The following GRIK4 variants were observed in gnomAD, a reference collection of about 807,000 sequenced individuals.
The protein encoded by GRIK4 is glutamate ionotropic receptor kainate type subunit 4, also known as glutamate receptor ionotropic, kainate 4.
A neutral mutation model predicts 104.9 loss-of-function variants in GRIK4; 40 were observed. That is an observed-to-expected ratio of 0.38 (90% confidence interval 0.30 to 0.50). The LOEUF (loss-of-function observed/expected upper bound fraction) is 0.50, where lower values mean the gene tolerates loss of function less well. Ranked by LOEUF, GRIK4 falls within the 20% of genes least tolerant of loss-of-function variation. The pLI is 0.93. For missense variants in GRIK4, 1,047 were observed against 1,308.1 expected, an observed-to-expected ratio of 0.80 and a Z score of 3.08; for synonymous variants, 485 against 524.9, an observed-to-expected ratio of 0.92 and a Z score of 1.04.
At chr11:120,920,085 T>C (rs1196956269) in intron 13 of GRIK4, among the ~76,000 whole-genome samples, 3 of 152,036 alleles carry the variant, frequency 2.0e-5, no homozygotes, top group Admixed American at 6.5e-5. Context: ...CTGCCTTCCA[T>C]CCCGACTGGA....
At chr11:120,535,967 A>G (rs1382171838) in intron 1 of GRIK4, among the ~76,000 whole-genome samples, 3 of 152,180 alleles carry the variant, frequency 2.0e-5, no homozygotes, top group African/African-American at 7.2e-5. Context: ...ATCTCGCTGC[A>G]TGTATCTCAT....
At chr11:120,900,442 G>A (rs1249309001) in intron 12 of GRIK4, among the ~76,000 whole-genome samples, 2 of 152,172 alleles carry the variant, frequency 1.3e-5, no homozygotes, top group Admixed American at 6.5e-5. Flanking sequence ...GGGCACTGTT[G>A]TAGGTGCTCA....
At chr11:120,543,903 A>G (rs1591684682) in intron 1 of GRIK4, among the ~76,000 whole-genome samples, 1 of 152,246 alleles carries the variant, frequency 6.6e-6, no homozygotes, top group Non-Finnish European at 1.5e-5. Context: ...CAAATATTGT[A>G]TGATCTCACT....
chr11:120,715,342 TCA>T (rs1950809693), intron 3 of GRIK4, among the ~76,000 whole-genome samples: 1 of 152,170 alleles, frequency 6.6e-6, no homozygotes, highest in Non-Finnish European at 1.5e-5. Flanking sequence ...CCTTTTGGAA[TCA>T]CAGACCTGTT....
At chr11:120,617,904 G>T (rs187325096) in intron 1 of GRIK4, among the ~76,000 whole-genome samples, 13 of 152,256 alleles carry the variant, frequency 8.5e-5, no homozygotes, top group Non-Finnish European at 4.4e-5. Context: ...ACGTGAGAAT[G>T]GAATAATAAT....
chr11:120,791,931 A>G (rs543959585), intron 3 of GRIK4, among the ~76,000 whole-genome samples: 1 of 152,200 alleles, frequency 6.6e-6, no homozygotes, highest in Non-Finnish European at 1.5e-5. Flanking sequence ...GTTGGCATAG[A>G]ATCCCTCAAA....
At chr11:120,512,265 C>T (rs978162550) in intron 1 of GRIK4, among the ~76,000 whole-genome samples, 37 of 151,784 alleles carry the variant, frequency 2.4e-4, no homozygotes, top group Non-Finnish European at 2.9e-5. Flanking sequence ...CCCAGCCCTG[C>T]CTCTGTCCCC....
At chr11:120,733,600 A>G (rs1049361659) in intron 3 of GRIK4, among the ~76,000 whole-genome samples, 2 of 152,142 alleles carry the variant, frequency 1.3e-5, no homozygotes, top group African/African-American at 4.8e-5. Flanking sequence ...GCAAGAAGAA[A>G]ACTAACAAAA....
intron 8 of GRIK4, among the ~76,000 whole-genome samples, chr11:120,841,704 T>C (rs1232289256): frequency 6.6e-6 from 1 of 152,230 alleles, no homozygotes; most frequent in African/African-American, 2.4e-5. Context: ...TTTTCCAGAA[T>C]GACCACACCA....
At chr11:120,530,642 T>C (rs1947913167) in intron 1 of GRIK4, among the ~76,000 whole-genome samples, 1 of 152,228 alleles carries the variant, frequency 6.6e-6, no homozygotes, top group Non-Finnish European at 1.5e-5. Flanking sequence ...CGGAAGCCTC[T>C]GTCTTCGACA....
intron 1 of GRIK4, among the ~76,000 whole-genome samples, chr11:120,530,226 C>T (rs78686911): frequency 0.023 from 3,560 of 152,374 alleles, 65 homozygotes; most frequent in Middle Eastern, 0.041. Flanking sequence ...ATTTATTACT[C>T]ATGCTCCACT....
At chr11:120,614,356 C>A (rs1426141982) in intron 1 of GRIK4, among the ~76,000 whole-genome samples, 2 of 152,228 alleles carry the variant, frequency 1.3e-5, no homozygotes, top group Non-Finnish European at 2.9e-5. Context: ...CCCAATCCCA[C>A]TGGGGCACAG....
At chr11:120,714,905 G>A (rs1201173536) in intron 3 of GRIK4, among the ~76,000 whole-genome samples, 1 of 152,134 alleles carries the variant, frequency 6.6e-6, no homozygotes, top group Admixed American at 6.5e-5. Context: ...GAAAGCTACT[G>A]GAGAGTTACA....
intron 3 of GRIK4, among the ~76,000 whole-genome samples, chr11:120,717,853 G>A (rs2852225): frequency 5.3e-5 from 8 of 151,982 alleles, no homozygotes; most frequent in Non-Finnish European, 1.0e-4. Flanking sequence ...GAGGCTCCAC[G>A]GGCTTAGGCC....
intron 12 of GRIK4, among the ~76,000 whole-genome samples, chr11:120,900,255 A>G (rs141316461): frequency 8.5e-4 from 130 of 152,316 alleles, no homozygotes; most frequent in African/African-American, 2.9e-3. Context: ...TGAGAAATAG[A>G]CACTGGTAAG....
chr11:120,712,682 G>A (rs2135357820), intron 3 of GRIK4, among the ~76,000 whole-genome samples: 1 of 151,898 alleles, frequency 6.6e-6, no homozygotes, highest in Non-Finnish European at 1.5e-5. Context: ...CTCACTGCCT[G>A]GTCGTCAGTT....
At chr11:120,531,032 T>C (rs1046786940) in intron 1 of GRIK4, among the ~76,000 whole-genome samples, 6 of 152,232 alleles carry the variant, frequency 3.9e-5, no homozygotes, top group South Asian at 2.1e-4. Flanking sequence ...GAGTCCTTCC[T>C]GGTTCCCATC....
At chr11:120,886,457 G>C (rs758921646) in intron 11 of GRIK4, among the ~76,000 whole-genome samples, 1 of 152,182 alleles carries the variant, frequency 6.6e-6, no homozygotes, top group Non-Finnish European at 1.5e-5. Flanking sequence ...CTGAGTGAGC[G>C]TGCTGTTGTT....
intron 1 of GRIK4, among the ~76,000 whole-genome samples, chr11:120,628,556 T>C (rs1774803695): frequency 6.6e-6 from 1 of 152,134 alleles, no homozygotes; most frequent in South Asian, 2.1e-4. Flanking sequence ...ACATGCGCCT[T>C]GTGCAGAGAG....
Sources: gnomAD v4.1 joint callset for allele counts (sites outside exome capture counted in the v4.1 genomes callset) on GRCh38, gnomAD v4.1.1 for gene constraint, MANE v1.5 for transcripts, NCBI Gene and HGNC (gene_info 2026-07-23, HGNC 2026-07-21) for gene names.